STAC: variants seen among roughly 807,000 people sequenced by gnomAD.
The protein encoded by STAC is SH3 and cysteine-rich domain-containing protein.
A neutral mutation model predicts 48.8 loss-of-function variants in STAC; 43 were observed. The observed-to-expected ratio is 0.88, with a 90% CI of 0.69 to 1.14. The LOEUF (loss-of-function observed/expected upper bound fraction) is 1.14. STAC is among the 50% of genes most tolerant of loss of function. STAC has a pLI of 0.00. For synonymous variants in STAC, 193 were observed against 179.5 expected (o/e 1.07, Z -0.60); for missense variants, 497 against 504.0 (o/e 0.99, Z 0.13).
At chr3:36,462,717 T>C (rs2125684994) in intron 2 of STAC, among the ~76,000 whole-genome samples, 1 of 152,296 alleles carries the variant, frequency 6.6e-6, no homozygotes. Context: ...TGGGAAAGAC[T>C]TTGACTGTGG....
At chr3:36,442,658 G>A (rs1379134493) in intron 1 of STAC, among the ~76,000 whole-genome samples, 1 of 151,854 alleles carries the variant, frequency 6.6e-6, no homozygotes, top group Non-Finnish European at 1.5e-5. Context: ...AAATGGTCTA[G>A]TTTGTCATGG....
At chr3:36,396,132 G>A (rs1004427825) in intron 1 of STAC, among the ~76,000 whole-genome samples, 2 of 151,990 alleles carry the variant, frequency 1.3e-5, no homozygotes, top group Non-Finnish European at 2.9e-5. Context: ...CCCCACCCTG[G>A]AATTCAACAA....
intron 1 of STAC, among the ~76,000 whole-genome samples, chr3:36,438,095 A>T (rs565034587): frequency 6.6e-6 from 1 of 151,946 alleles, no homozygotes; most frequent in East Asian, 1.9e-4. Context: ...GTGCCACCAC[A>T]CCCAGCTAAT....
intron 2 of STAC, among the ~76,000 whole-genome samples, chr3:36,460,922 A>G (rs1386216444): frequency 6.6e-6 from 1 of 152,200 alleles, no homozygotes; most frequent in African/African-American, 2.4e-5. Context: ...AAAAATAATA[A>G]CATTTCCTTT....
intron 2 of STAC, among the ~76,000 whole-genome samples, chr3:36,474,190 A>G (rs941620019): frequency 6.6e-6 from 1 of 152,190 alleles, no homozygotes; most frequent in Non-Finnish European, 1.5e-5. Context: ...CACATTTGTC[A>G]ACTATGAGAC....
At chr3:36,461,489 T>C (rs930901938) in intron 2 of STAC, among the ~76,000 whole-genome samples, 5 of 152,212 alleles carry the variant, frequency 3.3e-5, no homozygotes, top group South Asian at 2.1e-4. Flanking sequence ...GGATGGATGA[T>C]GGATGAATGG....
intron 1 of STAC, among the ~76,000 whole-genome samples, chr3:36,423,932 A>G (rs1386871103): frequency 2.0e-5 from 3 of 152,106 alleles, no homozygotes; most frequent in Admixed American, 2.0e-4. Context: ...GCCTCCAAAA[A>G]TGATGCTGCC....
In STAC at chr3:36,385,970, C is replaced by G. The variant is rs542384579; in HGVS notation, c.111+5216C>G. Among the ~76,000 whole-genome samples, 16 of 152,092 alleles carry G rather than the reference C, an allele frequency of 1.1e-4. No homozygotes were observed. The South Asian group carries it at 2.9e-3, about 28-fold the overall frequency. On this transcript the variant is annotated intron_variant, in intron 1 of 10. Coordinates refer to ENST00000273183, the MANE Select transcript of STAC (RefSeq NM_003149.3). ...GCTATGAACATTCCTTATATATATT[C>G]TTTGTGGCACATATGAAGCTCTTCT...
Position 36,546,391 on chromosome 3 carries a change from C to T in STAC, c.*102C>T. On this transcript the variant is annotated 3_prime_UTR_variant, in exon 11 of 11. Transcript: ENST00000273183. ...AAAGGAGCTGCCGCACTGACCCAGC[C>T]CCCCAGGAAACAGTGAGACAAGAAT... 1 of 975,300 alleles carries T rather than the reference C, an allele frequency of 1.0e-6. No individual in the cohort carries two copies. The highest frequency in any genetic ancestry group is 1.6e-6 in the Non-Finnish European group (1 of 619,868). The allele number at this position is 975,300 out of a possible 1,614,324, so 60.4% of individuals were successfully genotyped here. A position where few individuals can be genotyped will look rare whatever the true frequency, so the allele number is the denominator to read the frequency against.
intron 1 of STAC, among the ~76,000 whole-genome samples, chr3:36,385,944 T>C (rs934760702): frequency 6.6e-6 from 1 of 152,122 alleles, no homozygotes; most frequent in Non-Finnish European, 1.5e-5. Flanking sequence ...TAAGCCATAC[T>C]GCTATGAACA....
In STAC at chr3:36,424,471, A is replaced by T. The variant is rs1032463079; in HGVS notation, c.112-18893A>T. 3.7e-4 allele frequency among the ~76,000 whole-genome samples: 56 copies of T among 152,168 alleles called. 1 individual carries two copies. The highest frequency in any genetic ancestry group is 3.5e-3 in the Admixed American group (54 of 15,256). ...CATATAGGTGTATGTGTAGTCATTTATATATTCCCTAGCTCTGTCCACTAA... is the reference window on the plus strand; with the variant it reads ...CATATAGGTGTATGTGTAGTCATTTTTATATTCCCTAGCTCTGTCCACTAA... On this transcript the variant is annotated intron_variant, in intron 1 of 10. Coordinates refer to ENST00000273183, the MANE Select transcript of STAC (RefSeq NM_003149.3).
chr3:36,450,504 T>C (rs749614336), intron 2 of STAC, among the ~76,000 whole-genome samples: 13 of 152,182 alleles, frequency 8.5e-5, no homozygotes, highest in Non-Finnish European at 1.8e-4. Context: ...AAGGATATCT[T>C]CACTGTGAAT....
At chr3:36,497,025 TA>T (rs200733016) in intron 6 of STAC, among the ~76,000 whole-genome samples, 1,895 of 144,728 alleles carry the variant, frequency 0.013, 96 homozygotes, top group Admixed American at 0.088. Flanking sequence ...AATTTTATTC[TA>T]AAAAAAAAAA....
At chr3:36,389,154 T>C (rs993977969) in intron 1 of STAC, among the ~76,000 whole-genome samples, 5 of 152,200 alleles carry the variant, frequency 3.3e-5, no homozygotes, top group African/African-American at 1.2e-4. Context: ...AAATATTTCC[T>C]GCCAAAATTC....
intron 1 of STAC, among the ~76,000 whole-genome samples, chr3:36,394,321 A>G (rs966221668): frequency 6.6e-6 from 1 of 152,248 alleles, no homozygotes; most frequent in African/African-American, 2.4e-5. Context: ...GAACATTTTC[A>G]TGATTGCACA....
intron 10 of STAC, among the ~76,000 whole-genome samples, chr3:36,530,991 T>A (rs570414697): frequency 6.6e-6 from 1 of 152,270 alleles, no homozygotes; most frequent in African/African-American, 2.4e-5. Context: ...TTTAAAAAAA[T>A]GTAACTCACC....
chr3:36,448,669 A>T (rs891863553), intron 2 of STAC, among the ~76,000 whole-genome samples: 5 of 152,202 alleles, frequency 3.3e-5, no homozygotes, highest in African/African-American at 1.2e-4. Context: ...AATAGTTGAA[A>T]AGATCTCATC....
intron 1 of STAC, among the ~76,000 whole-genome samples, chr3:36,414,322 T>C (rs1700266458): frequency 6.6e-6 from 1 of 152,160 alleles, no homozygotes; most frequent in Admixed American, 6.5e-5. Context: ...CAATCAGACG[T>C]AGATTTGGTC....
At chr3:36,441,417 C>T (rs548123295) in intron 1 of STAC, among the ~76,000 whole-genome samples, 1 of 152,140 alleles carries the variant, frequency 6.6e-6, no homozygotes, top group African/African-American at 2.4e-5. Context: ...CCACAAATGA[C>T]AGAGTTTCAT....
Sources: allele counts gnomAD v4.1 joint callset (sites outside exome capture counted in the v4.1 genomes callset), GRCh38; gene constraint gnomAD v4.1.1; transcripts MANE v1.5; gene names NCBI Gene and HGNC (gene_info 2026-07-23, HGNC 2026-07-21).